SPRY3: variants seen among roughly 807,000 people sequenced by gnomAD.
SPRY3 encodes protein sprouty homolog 3.
SPRY3 carries 15 observed loss-of-function variants against 20.2 expected under a neutral mutation model. The observed-to-expected ratio is 0.74, with a 90% confidence interval of 0.50 to 1.14. SPRY3 has a LOEUF of 1.14. SPRY3 is among the 50% of genes most tolerant of loss of function. SPRY3 has a pLI of 0.00. For missense variants in SPRY3, 364 were observed against 363.9 expected (o/e 1.00, Z 0.00); for synonymous variants, 143 against 136.5 (o/e 1.05, Z -0.33).
chrX:155,773,790 C>T, exon 4 of SPRY3: 3 of 1,482,786 alleles, frequency 2.0e-6, no homozygotes, highest in Non-Finnish European at 2.7e-6. Flanking sequence ...CCCTGAAATC[C>T]ATGTAACTAC....
exon 4 of SPRY3, chrX:155,776,749 G>C (rs1275514552): frequency 6.2e-6 from 1 of 160,488 alleles, no homozygotes; most frequent in African/African-American, 2.7e-5. Flanking sequence ...GTAGTACACG[G>C]GGGGAAGAGG....
chrX:155,695,613 T>G (rs970972630), intron 2 of SPRY3, among the ~76,000 whole-genome samples: 8 of 111,173 alleles, frequency 7.2e-5, no homozygotes, highest in Admixed American at 1.9e-4. Flanking sequence ...AACATTTTGA[T>G]ATTGTCCTAC....
intron 1 of SPRY3, among the ~76,000 whole-genome samples, chrX:155,633,978 G>A (rs1428291480): frequency 9.0e-6 from 1 of 111,069 alleles, no homozygotes; most frequent in Admixed American, 9.5e-5. Context: ...CTACTCGGGA[G>A]GCTGAGGCAG....
chrX:155,764,735 A>G (rs1602998040), intron 2 of SPRY3, among the ~76,000 whole-genome samples: 4 of 152,142 alleles, frequency 2.6e-5, no homozygotes, highest in Non-Finnish European at 2.9e-5. Context: ...AAAGAAGAGG[A>G]CAAATCTGTT....
intron 2 of SPRY3, among the ~76,000 whole-genome samples, chrX:155,686,672 C>A (rs2068088837): frequency 1.8e-5 from 2 of 111,423 alleles, no homozygotes; most frequent in Non-Finnish European, 3.8e-5. Context: ...AGTCTTCCAG[C>A]CCAAAACTGC....
At chrX:155,735,628 T>A (rs948182707) in intron 2 of SPRY3, among the ~76,000 whole-genome samples, 1 of 152,094 alleles carries the variant, frequency 6.6e-6, no homozygotes, top group African/African-American at 2.4e-5. Context: ...ATACAGCTAT[T>A]CAAGCTTTCT....
At chrX:155,707,796 C>G (rs1231955229) in intron 2 of SPRY3, among the ~76,000 whole-genome samples, 1 of 151,032 alleles carries the variant, frequency 6.6e-6, no homozygotes, top group East Asian at 1.9e-4. Context: ...CTTTCAAACT[C>G]CTTGTATCTT....
At chrX:155,709,030 C>T (rs2090969750) in intron 2 of SPRY3, among the ~76,000 whole-genome samples, 1 of 151,352 alleles carries the variant, frequency 6.6e-6, no homozygotes, top group African/African-American at 2.4e-5. Context: ...TGAATAATAC[C>T]TCATTGTGTA....
chrX:155,713,393 T>C (rs2091000507), intron 2 of SPRY3, among the ~76,000 whole-genome samples: 2 of 152,108 alleles, frequency 1.3e-5, no homozygotes, highest in African/African-American at 4.8e-5. Context: ...GTAGGACAGG[T>C]CTGGAGTTGA....
chrX:155,763,151 G>C (rs1415712180), intron 2 of SPRY3, among the ~76,000 whole-genome samples: 1 of 152,078 alleles, frequency 6.6e-6, no homozygotes, highest in South Asian at 2.1e-4. Context: ...TTATAAGTGG[G>C]AGCTTAACAT....
chrX:155,659,127 C>T (rs941967975), intron 2 of SPRY3, among the ~76,000 whole-genome samples: 3 of 100,149 alleles, frequency 3.0e-5, no homozygotes, highest in Admixed American at 2.2e-4. Flanking sequence ...TTCTTTCTTT[C>T]TTTCTTTCTT....
chrX:155,706,290 G>A (rs1181551229), intron 2 of SPRY3, among the ~76,000 whole-genome samples: 1 of 149,998 alleles, frequency 6.7e-6, no homozygotes, highest in East Asian at 1.9e-4. Context: ...AATATGAAAG[G>A]GAATTTTAAA....
chrX:155,726,473 TA>T (rs1411752923), intron 2 of SPRY3, among the ~76,000 whole-genome samples: 5 of 152,018 alleles, frequency 3.3e-5, no homozygotes, highest in African/African-American at 1.2e-4. Context: ...TGTAGATCTC[TA>T]AGGACTTGCT....
At chrX:155,731,302 A>G (rs1197547664) in intron 2 of SPRY3, among the ~76,000 whole-genome samples, 1 of 152,138 alleles carries the variant, frequency 6.6e-6, no homozygotes, top group South Asian at 2.1e-4. Context: ...ATACTGGCAT[A>G]AAAGCAGATA....
At chrX:155,647,503 G>T (rs1307025758) in intron 1 of SPRY3, among the ~76,000 whole-genome samples, 2 of 108,806 alleles carry the variant, frequency 1.8e-5, no homozygotes, top group Non-Finnish European at 3.8e-5. Context: ...TCCCCACCCT[G>T]TGCCCATATG....
At chrX:155,652,475 A>T (rs782790711) in intron 1 of SPRY3, among the ~76,000 whole-genome samples, 32 of 111,233 alleles carry the variant, frequency 2.9e-4, no homozygotes, top group African/African-American at 1.0e-3. Context: ...TGACTTTTAG[A>T]TCCCACAAAT....
intron 1 of SPRY3, among the ~76,000 whole-genome samples, chrX:155,625,852 C>A (rs782729600): frequency 9.0e-6 from 1 of 111,621 alleles, no homozygotes; most frequent in East Asian, 2.8e-4. Flanking sequence ...TATTATTTCA[C>A]TGAGCATAAT....
At chrX:155,688,017 A>G (rs919240570) in intron 2 of SPRY3, among the ~76,000 whole-genome samples, 1 of 108,205 alleles carries the variant, frequency 9.2e-6, no homozygotes, top group African/African-American at 3.4e-5. Context: ...TCCATTAGCT[A>G]TTCTTCCTGA....
intron 3 of SPRY3, among the ~76,000 whole-genome samples, chrX:155,771,888 G>A (rs1569401926): frequency 6.6e-6 from 1 of 152,078 alleles, no homozygotes. Context: ...TAGAAGATAC[G>A]GATGAAAAGA....
Sources: allele counts gnomAD v4.1 joint callset (sites outside exome capture counted in the v4.1 genomes callset), GRCh38; gene constraint gnomAD v4.1.1; transcripts MANE v1.5; gene names NCBI Gene and HGNC (gene_info 2026-07-23, HGNC 2026-07-21).